The following CDH4 variants were observed in gnomAD, a reference collection of about 807,000 sequenced individuals.
CDH4 encodes the protein cadherin-4.
Under a neutral mutation model 86.0 loss-of-function variants are expected in CDH4, and 33 were observed. The ratio of observed to expected loss-of-function variants is 0.38; its 90% CI spans 0.29 to 0.51. The LOEUF (loss-of-function observed/expected upper bound fraction) is 0.51, where lower values mean the gene tolerates loss of function less well. Among genes scored for constraint, CDH4 ranks in the 20% least tolerant of loss-of-function variants. The pLI is 0.86. For synonymous variants in CDH4, 555 were observed against 549.4 expected (o/e 1.01, Z -0.14); for missense variants, 1,114 against 1,307.4 (o/e 0.85, Z 2.28).
intron 2 of CDH4, among the ~76,000 whole-genome samples, chr20:61,455,750 G>T (rs1292620895): frequency 6.6e-6 from 1 of 152,128 alleles, no homozygotes; most frequent in Non-Finnish European, 1.5e-5. Context: ...CCATGGGGTG[G>T]TGCCACCCCC....
At chr20:61,644,130 G>A (rs2087037704) in intron 2 of CDH4, among the ~76,000 whole-genome samples, 1 of 152,198 alleles carries the variant, frequency 6.6e-6, no homozygotes, top group South Asian at 2.1e-4. Context: ...TGGGGAATGA[G>A]GAACTTGATC....
chr20:61,886,633 G>C (rs1423511275), intron 7 of CDH4, among the ~76,000 whole-genome samples: 2 of 152,244 alleles, frequency 1.3e-5, no homozygotes, highest in Non-Finnish European at 2.9e-5. Context: ...CAGCTATGGA[G>C]AGAGGACGCT....
intron 2 of CDH4, among the ~76,000 whole-genome samples, chr20:61,686,651 G>A (rs2087581064): frequency 2.0e-5 from 3 of 151,430 alleles, no homozygotes; most frequent in South Asian, 4.2e-4. Context: ...GCATTCGCGT[G>A]TGTGCATTCG....
At chr20:61,849,757 G>A (rs543733207) in intron 5 of CDH4, among the ~76,000 whole-genome samples, 6 of 152,308 alleles carry the variant, frequency 3.9e-5, no homozygotes, top group Admixed American at 2.0e-4. Context: ...TAGGATGCCC[G>A]CATGCCCTTC....
chr20:61,654,297 C>A (rs964692405), intron 2 of CDH4, among the ~76,000 whole-genome samples: 1 of 152,172 alleles, frequency 6.6e-6, no homozygotes, highest in African/African-American at 2.4e-5. Flanking sequence ...TGGTGGCACG[C>A]GCCTGCAATC....
chr20:61,837,617 G>A (rs1028004954), intron 4 of CDH4, among the ~76,000 whole-genome samples: 11 of 152,096 alleles, frequency 7.2e-5, no homozygotes, highest in Non-Finnish European at 1.6e-4. Context: ...GCCTGCTTCA[G>A]GGTGAATGAG....
intron 2 of CDH4, among the ~76,000 whole-genome samples, chr20:61,555,939 T>C (rs915574941): frequency 2.0e-5 from 3 of 152,218 alleles, no homozygotes; most frequent in Non-Finnish European, 2.9e-5. Context: ...TAAAGATTGA[T>C]TCTACATTAA....
At chr20:61,394,277 A>G (rs540152534) in intron 2 of CDH4, among the ~76,000 whole-genome samples, 1 of 152,050 alleles carries the variant, frequency 6.6e-6, no homozygotes, top group African/African-American at 2.4e-5. Flanking sequence ...GCATCACTCC[A>G]GCATCTCCTG....
chr20:61,253,194 G>A (rs926706044), intron 1 of CDH4, among the ~76,000 whole-genome samples: 2 of 151,286 alleles, frequency 1.3e-5, no homozygotes, highest in African/African-American at 4.8e-5. Context: ...GCTGGAGCCT[G>A]CGTGTCCGGC....
rs553378320 is a variant in CDH4, at chr20:61,720,806, A to G, written c.170-22757A>G. ...TCGGGGAGGCGTGTTCTCTCATTGT[A>G]CCATCACATTGAATTGTCTCAAACA... On this transcript the variant is annotated intron_variant, in intron 2 of 15. Transcript: ENST00000614565. Among the ~76,000 whole-genome samples the G allele has an allele frequency of 7.0e-4, 107 of 152,204 alleles. 2 individuals are homozygous for G. Among genetic ancestry groups the G allele is most frequent in the African/African-American group, 2.4e-3 (99 of 41,512 alleles).
intron 4 of CDH4, among the ~76,000 whole-genome samples, chr20:61,843,904 C>T (rs1166623545): frequency 6.6e-6 from 1 of 152,206 alleles, no homozygotes; most frequent in Non-Finnish European, 1.5e-5. Flanking sequence ...CCCCCAACTT[C>T]CCTGAGGGAA....
At chr20:61,852,963 A>G in intron 6 of CDH4, 65 bp downstream of exon 6, 1 of 1,511,412 alleles carries the variant, frequency 6.6e-7, no homozygotes, top group Non-Finnish European at 9.0e-7. Flanking sequence ...ACAGGCCCTG[A>G]GGGCAGGGGA....
intron 2 of CDH4, among the ~76,000 whole-genome samples, chr20:61,390,034 C>T (rs12625494): frequency 0.053 from 8,013 of 150,310 alleles, 331 homozygotes; most frequent in East Asian, 0.15. Context: ...TGGGAGACCC[C>T]GATTGAGATC....
chr20:61,387,603 A>G (rs573911345), intron 2 of CDH4, among the ~76,000 whole-genome samples: 3 of 152,090 alleles, frequency 2.0e-5, no homozygotes, highest in Non-Finnish European at 1.5e-5. Flanking sequence ...TGGCCACACA[A>G]ACACACACAG....
At chr20:61,658,128 G>A (rs951471785) in intron 2 of CDH4, among the ~76,000 whole-genome samples, 1 of 152,112 alleles carries the variant, frequency 6.6e-6, no homozygotes, top group Non-Finnish European at 1.5e-5. Context: ...GCTGTTGGCT[G>A]TTGCTTCCCC....
chr20:61,372,388 C>T (rs942573905), intron 2 of CDH4, among the ~76,000 whole-genome samples: 2 of 152,232 alleles, frequency 1.3e-5, no homozygotes, highest in Non-Finnish European at 2.9e-5. Context: ...GCACACGCTT[C>T]GCCTCCTTCT....
rs2055201921 is a variant in CDH4, at chr20:61,937,130, G to A, written c.*187G>A. ...CCCCCACAGCGCCCTGCACCCGGCC[G>A]CTGCCCAGCACCGCGCTGGCTGGCA... On this transcript the variant is annotated 3_prime_UTR_variant, in exon 16 of 16. Transcript: ENST00000614565. 1.9e-5 allele frequency: 8 copies of A among 419,922 alleles called. No individual in the cohort carries two copies. The South Asian group carries it at 2.0e-4, about 11-fold the overall frequency. The allele number at this position is 419,922 out of a possible 1,614,324, so 26.0% of individuals were successfully genotyped here.
chr20:61,442,509 T>G (rs1253697870), intron 2 of CDH4, among the ~76,000 whole-genome samples: 1 of 152,190 alleles, frequency 6.6e-6, no homozygotes, highest in Non-Finnish European at 1.5e-5. Context: ...TAAGTAGAAG[T>G]GACATTTCTA....
At chr20:61,273,352 TGGGGGAGTACCGTGTGCAGTTTA>T (rs2084197147) in intron 2 of CDH4, among the ~76,000 whole-genome samples, 1 of 126,218 alleles carries the variant, frequency 7.9e-6, no homozygotes, top group South Asian at 2.8e-4. Flanking sequence ...TTGTGCAGTT[TGGGGGAGTACCGTGTGCAGTTTA>T]GGGGAGTACC....
Sources: gnomAD v4.1 joint callset for allele counts (sites outside exome capture counted in the v4.1 genomes callset) on GRCh38, gnomAD v4.1.1 for gene constraint, MANE v1.5 for transcripts, NCBI Gene and HGNC (gene_info 2026-07-23, HGNC 2026-07-21) for gene names.